STAG2: variants seen among roughly 807,000 people sequenced by gnomAD.
STAG2 encodes cohesin subunit SA-2.
A neutral mutation model predicts 108.1 loss-of-function variants in STAG2; 14 were observed. That is an observed-to-expected ratio of 0.13 (90% CI 0.09 to 0.20). The LOEUF (loss-of-function observed/expected upper bound fraction) is 0.20, where lower values mean the gene tolerates loss of function less well. Among genes scored for constraint, STAG2 ranks in the 10% least tolerant of loss-of-function variants. STAG2 has a pLI of 1.00. For synonymous variants in STAG2, 307 were observed against 302.7 expected (o/e 1.01, Z -0.15); for missense variants, 440 against 940.9 (o/e 0.47, Z 6.96).
intron 1 of STAG2, among the ~76,000 whole-genome samples, chrX:123,994,443 A>G (rs2055630994): frequency 8.9e-6 from 1 of 111,796 alleles, no homozygotes; most frequent in South Asian, 3.7e-4. Context: ...TATCTAACCC[A>G]AAGCAAATGC....
chrX:123,987,091 C>T (rs945872915), intron 1 of STAG2, among the ~76,000 whole-genome samples: 1 of 110,602 alleles, frequency 9.0e-6, no homozygotes, highest in Admixed American at 9.6e-5. Flanking sequence ...CCCCTGGGTT[C>T]AAGCGATTCT....
At chrX:124,044,179 TA>T (rs2057805048) in intron 7 of STAG2, among the ~76,000 whole-genome samples, 1 of 111,325 alleles carries the variant, frequency 9.0e-6, no homozygotes, top group South Asian at 3.7e-4. Flanking sequence ...TTGAATGTTT[TA>T]GTGAGAACTT....
intron 34 of STAG2, 110 bp downstream of exon 34, chrX:124,095,559 T>A: frequency 3.5e-6 from 2 of 566,002 alleles, no homozygotes; most frequent in Middle Eastern, 3.3e-4. Context: ...TGAAAACAGC[T>A]GGATGTGAGA....
At chrX:124,036,133 G>A (rs1367937466) in intron 5 of STAG2, among the ~76,000 whole-genome samples, 2 of 112,063 alleles carry the variant, frequency 1.8e-5, no homozygotes, top group Non-Finnish European at 3.8e-5. Context: ...AATAATTCCA[G>A]TCAGTCTATC....
intron 25 of STAG2, among the ~76,000 whole-genome samples, chrX:124,073,037 G>T (rs2058712704): frequency 1.9e-5 from 2 of 106,940 alleles, no homozygotes; most frequent in South Asian, 4.1e-4. Flanking sequence ...GAGCCACTGC[G>T]CCCGGCCTAT....
At position 124,060,375 on chromosome X, in the gene STAG2, C is replaced by A. The variant is rs186290439; in HGVS notation, c.1417-849C>A. On this transcript the variant is annotated intron_variant, in intron 15 of 34. Transcript: ENST00000371145. ...TCCTGACCTCAGGTGATCTGCCTGC[C>A]TCGGCCTCCCAGAGTGCTGGGATTA... Among the ~76,000 whole-genome samples the A allele has an allele frequency of 9.3e-3, 1,040 of 112,349 alleles. 14 individuals carry two copies. The highest frequency in any genetic ancestry group is 0.031 in the African/African-American group (969 of 30,934).
At chrX:124,095,552 A>AC (rs2059356633) in intron 34 of STAG2, 103 bp downstream of exon 34, 2 of 598,898 alleles carry the variant, frequency 3.3e-6, no homozygotes, top group Non-Finnish European at 5.4e-6. Context: ...GAATAGATGA[A>AC]AACAGCTGGA....
In STAG2 at chrX:124,100,861, T is replaced by A; in HGVS notation, c.*264T>A. On this transcript the variant is annotated 3_prime_UTR_variant, in exon 35 of 35. Coordinates refer to ENST00000371145, the MANE Select transcript of STAG2 (RefSeq NM_001042750.2). ...TATGCGCTGTTAGTTGGCTTTTGAA[T>A]CGATTATTTCATGCTTTTTTTTAAA... The A allele has an allele frequency of 4.3e-6, 1 of 233,854 alleles. No homozygotes were observed. The highest frequency in any genetic ancestry group is 7.6e-6 in the Non-Finnish European group (1 of 131,570). The allele number at this position is 233,854 out of a possible 1,213,427, so 19.3% of individuals were successfully genotyped here.
intron 4 of STAG2, 56 bp from the exon 5 acceptor site, chrX:124,030,905 G>A: frequency 9.0e-7 from 1 of 1,110,941 alleles, no homozygotes; most frequent in Non-Finnish European, 1.2e-6. Context: ...CTGTAGCTGT[G>A]TTTTGAACTC....
chrX:123,983,974 C>CTTTTTTTTT lies in STAG2; in HGVS notation c.-163+22131_-163+22139dup, dbSNP rs199881082. Among the ~76,000 whole-genome samples the CTTTTTTTTT allele has an allele frequency of 1.7e-3, 107 of 61,431 alleles. 8 individuals carry two copies. Among genetic ancestry groups the CTTTTTTTTT allele is most frequent in the East Asian group, 8.6e-3 (16 of 1,870 alleles). 53.3% of individuals were successfully genotyped at this position (61,431 alleles called of 115,157 possible). On this transcript the variant is annotated intron_variant, in intron 1 of 34. Transcript: ENST00000371145. ...AAAAAGAATAATTTTCTTTTCTTTTCTTTTTTTTTTTTTTTTTTTTTGAGA... is the reference window on the plus strand; with the variant it reads ...AAAAAGAATAATTTTCTTTTCTTTTCTTTTTTTTTTTTTTTTTTTTTTTTTTTTTTGAGA...
Position 124,036,573 on chromosome X carries a change from C to T in STAG2, c.289-954C>T, listed in dbSNP as rs371661835. ...CTAATTTTTGTATTTTTAGTAGAGA[C>T]GGGGTTTCACCATGTTGGCCTCTCG... On this transcript the variant is annotated intron_variant, in intron 5 of 34. Transcript: ENST00000371145. Among the ~76,000 whole-genome samples, 59 of 110,352 alleles carry T rather than the reference C, an allele frequency of 5.3e-4. No individual in the cohort carries two copies. In the East Asian group the frequency reaches 9.5e-3, roughly 18 times the overall value.
At chrX:124,056,719 C>G (rs977706657) in intron 14 of STAG2, among the ~76,000 whole-genome samples, 1 of 68,114 alleles carries the variant, frequency 1.5e-5, no homozygotes, top group Non-Finnish European at 2.5e-5. Flanking sequence ...GGCGACAGAG[C>G]GAGACTCCAT....
intron 27 of STAG2, among the ~76,000 whole-genome samples, chrX:124,080,771 G>A: frequency 1.8e-5 from 2 of 111,503 alleles, no homozygotes; most frequent in East Asian, 5.6e-4. Context: ...GTTAACCAAA[G>A]CAGGATGATT....
intron 1 of STAG2, among the ~76,000 whole-genome samples, chrX:123,989,463 A>G (rs2055342645): frequency 9.0e-6 from 1 of 111,634 alleles, no homozygotes; most frequent in South Asian, 3.7e-4. Context: ...AGCAGCATAT[A>G]CATTGTATTT....
At chrX:123,985,369 A>G (rs1400177713) in intron 1 of STAG2, among the ~76,000 whole-genome samples, 3 of 110,956 alleles carry the variant, frequency 2.7e-5, no homozygotes, top group Non-Finnish European at 3.8e-5. Flanking sequence ...AGCTGGGACT[A>G]CAGATGTCTG....
intron 1 of STAG2, among the ~76,000 whole-genome samples, chrX:124,013,998 G>A (rs1295377313): frequency 1.8e-5 from 2 of 111,722 alleles, no homozygotes; most frequent in African/African-American, 6.5e-5. Context: ...TGAGAACTGG[G>A]ACAGCCTGAG....
intron 1 of STAG2, among the ~76,000 whole-genome samples, chrX:124,019,052 CT>C (rs751161706): frequency 1.9e-3 from 150 of 79,877 alleles, no homozygotes; most frequent in African/African-American, 4.1e-3. Flanking sequence ...ATTTAGCACT[CT>C]TTTTTTTTTT....
chrX:124,001,995 A>G (rs771783185), intron 1 of STAG2, among the ~76,000 whole-genome samples: 55 of 112,315 alleles, frequency 4.9e-4, no homozygotes, highest in Non-Finnish European at 8.6e-4. Flanking sequence ...AAGCTGAGGC[A>G]GGAGTATCGC....
In STAG2 at chrX:124,047,400, C is replaced by T; in HGVS notation, c.714C>T (p.Ser238=). The T allele has an allele frequency of 2.5e-6, 3 of 1,201,392 alleles. No homozygotes were observed. The highest frequency in any genetic ancestry group is 2.2e-6 in the Non-Finnish European group (2 of 890,035). The change falls in exon 9 of 35, where the codon AGC becomes AGT. Residue 238 remains serine, a synonymous_variant. Transcript: ENST00000371145. The part of the protein sequence containing the change: ...TALVNVALNL[S]INMDNTQRQY... ...TGGTGAATGTGGCACTAAATCTTAG[C>T]ATTAATATGGATAATACACAAAGAC... is the stretch of plus-strand genomic sequence containing the variant.
Sources: allele counts gnomAD v4.1 joint callset (sites outside exome capture counted in the v4.1 genomes callset), GRCh38; gene constraint gnomAD v4.1.1; transcripts MANE v1.5; gene names NCBI Gene and HGNC (gene_info 2026-07-23, HGNC 2026-07-21).